POP4: variants seen among roughly 807,000 people sequenced by gnomAD.
POP4 encodes the protein ribonuclease P protein subunit p29.
A neutral mutation model predicts 29.9 loss-of-function variants in POP4; 31 were observed. The observed-to-expected ratio is 1.04, with a 90% confidence interval of 0.78 to 1.40. The LOEUF (loss-of-function observed/expected upper bound fraction) is 1.40. Among genes scored for constraint, POP4 ranks in the 40% most tolerant of loss-of-function variants. POP4 has a pLI of 0.00. For synonymous variants in POP4, 110 were observed against 108.2 expected (o/e 1.02, Z -0.10); for missense variants, 286 against 282.7 (o/e 1.01, Z -0.08).
intron 1 of POP4, 194 bp downstream of exon 1, chr19:29,606,519 A>G: frequency 3.6e-6 from 2 of 551,532 alleles, no homozygotes; most frequent in Non-Finnish European, 6.1e-6. Context: ...TGAGCTAGGG[A>G]GGGATGTCAG....
rs1420228067 is a variant in POP4 at position 29,614,157 on chromosome 19, G to A, written c.526+185G>A. Reference sequence around the variant, plus strand: ...TGCACCCGTGGCTCCCCCAAGAGGTGTGTGTCAGTGCAGCCTGCAACCCCG... The same window carrying A: ...TGCACCCGTGGCTCCCCCAAGAGGTATGTGTCAGTGCAGCCTGCAACCCCG... On this transcript the variant is annotated intron_variant, in intron 6 of 6. Coordinates refer to ENST00000585603, the MANE Select transcript of POP4 (RefSeq NM_006627.3). Among the ~76,000 whole-genome samples the A allele has an allele frequency of 2.6e-5, 4 of 152,248 alleles. No individual in the cohort carries two copies. The East Asian group carries it at 5.8e-4, about 22-fold the overall frequency.
chr19:29,608,363 T>G (rs1455038264), intron 1 of POP4, among the ~76,000 whole-genome samples: 1 of 146,672 alleles, frequency 6.8e-6, no homozygotes, highest in East Asian at 2.1e-4. Context: ...GCCTCCCAGG[T>G]TCCAGCGATT....
At chr19:29,612,647 T>G (rs1971084003) in intron 5 of POP4, among the ~76,000 whole-genome samples, 1 of 152,152 alleles carries the variant, frequency 6.6e-6, no homozygotes, top group Non-Finnish European at 1.5e-5. Context: ...CATCTCAGAC[T>G]TTACATAGCC....
chr19:29,610,899 G>T, intron 3 of POP4: 1 of 487,186 alleles, frequency 2.1e-6, no homozygotes, highest in Non-Finnish European at 3.7e-6. Flanking sequence ...CAGGCTGTTT[G>T]TCCTTCGGCT....
chr19:29,614,296 G>A (rs1024813350), intron 6 of POP4, among the ~76,000 whole-genome samples: 7 of 152,234 alleles, frequency 4.6e-5, no homozygotes, highest in African/African-American at 1.7e-4. Flanking sequence ...TGCTCCCAGA[G>A]GAATGTAGCC....
chr19:29,610,842 A>C (rs974026681), intron 3 of POP4: 5 of 579,336 alleles, frequency 8.6e-6, no homozygotes, highest in Non-Finnish European at 1.5e-5. Flanking sequence ...CTCTCTCCTC[A>C]CCTTCAGGAG....
At chr19:29,610,822 A>G in intron 3 of POP4, 190 bp downstream of exon 3, 1 of 608,234 alleles carries the variant, frequency 1.6e-6, no homozygotes, top group South Asian at 2.0e-5. Flanking sequence ...GACAGGACTC[A>G]TTGTCTGGCC....
At chr19:29,608,564 C>T (rs906999827) in intron 1 of POP4, 93 bp from the exon 2 acceptor site, 6 of 1,303,592 alleles carry the variant, frequency 4.6e-6, no homozygotes, top group Middle Eastern at 1.8e-4. Context: ...GCCACTGCGC[C>T]TAGTGGCGTA....
At chr19:29,612,282 T>C in intron 5 of POP4, 104 bp downstream of exon 5, 1 of 1,114,688 alleles carries the variant, frequency 9.0e-7, no homozygotes. Flanking sequence ...CTTTACCGTG[T>C]GGATTCCCTG....
At chr19:29,606,437 C>A in intron 1 of POP4, 112 bp downstream of exon 1, 1 of 1,293,912 alleles carries the variant, frequency 7.7e-7, no homozygotes, top group Non-Finnish European at 1.0e-6. Flanking sequence ...CTAACAGAAC[C>A]GCTACAGGAA....
rs1243168719 is a variant in POP4 at position 29,612,103 on chromosome 19, T to C, written c.363-14T>C. The C allele has an allele frequency of 6.2e-7, 1 of 1,602,912 alleles. No homozygotes were observed. The highest frequency in any genetic ancestry group is 2.2e-5 in the East Asian group (1 of 44,844). On this transcript the variant is annotated splice_polypyrimidine_tract_variant and intron_variant, in intron 4 of 6. Transcript: ENST00000585603. ...TATCATGATGTAAACCAAGGGCTTC[T>C]GTTTACCCTGCAGGCAGCCACAGAT...
chr19:29,606,339 C>T lies in POP4; in HGVS notation c.7+14C>T. On this transcript the variant is annotated intron_variant, in intron 1 of 6. Transcript: ENST00000585603. ...CGAGAATGAAGAGTAAGCGGGGCCG[C>T]GAAGTTGGAGAGGGTTGGGGACGTT... is the stretch of plus-strand genomic sequence containing the variant. 6.2e-7 allele frequency: 1 copy of T among 1,604,780 alleles called. No individual in the cohort carries two copies.
intron 2 of POP4, chr19:29,608,959 C>T (rs1410889671): frequency 1.1e-5 from 5 of 458,330 alleles, no homozygotes; most frequent in African/African-American, 4.0e-5. Flanking sequence ...TCATTTCCCA[C>T]TGTGTTGGGG....
At chr19:29,610,322 G>A in intron 2 of POP4, 87 bp from the exon 3 acceptor site, 1 of 1,280,556 alleles carries the variant, frequency 7.8e-7, no homozygotes, top group African/African-American at 1.5e-5. Context: ...TCTTGCAGTA[G>A]CTGCCGGGAA....
At position 29,613,886 on chromosome 19, in the gene POP4, G is replaced by A. The variant is rs1378551030; in HGVS notation, c.440G>A (p.Cys147Tyr). The A allele has an allele frequency of 1.2e-6, 2 of 1,612,836 alleles. No individual in the cohort carries two copies. Among genetic ancestry groups the A allele is most frequent in the Non-Finnish European group, 1.7e-6 (2 of 1,179,606 alleles). The change falls in exon 6 of 7, where the codon TGC becomes TAC. Residue 147 changes from cysteine to tyrosine, a missense_variant. Transcript: ENST00000585603. ...GAIISVTKSK[C>Y]PSYVGITGIL... ...TTCTTTGCAGTGACAAAATCCAAAT[G>A]CCCCTCTTATGTGGGTATTACAGGA...
chr19:29,614,418 C>G (rs1423049461), intron 6 of POP4, among the ~76,000 whole-genome samples: 1 of 152,114 alleles, frequency 6.6e-6, no homozygotes, highest in African/African-American at 2.4e-5. Flanking sequence ...CTAGCAGATA[C>G]TTTGGGTCAG....
chr19:29,615,481 T>A lies in POP4; in HGVS notation c.*101T>A. On this transcript the variant is annotated 3_prime_UTR_variant, in exon 7 of 7. Transcript: ENST00000585603. The stretch of plus-strand genomic sequence containing the variant: ...GAGATAGTTAAGCCAATTCCATTTA[T>A]AGACCACCTCCAGCCAGTGACGCTC... 1 of 1,332,330 alleles carries A rather than the reference T, an allele frequency of 7.5e-7. No individual in the cohort carries two copies. The highest frequency in any genetic ancestry group is 1.0e-6 in the Non-Finnish European group (1 of 967,204). The allele number at this position is 1,332,330 out of a possible 1,614,324, so 82.5% of individuals were successfully genotyped here. A position where few individuals can be genotyped will look rare whatever the true frequency, so the allele number is the denominator to read the frequency against.
intron 6 of POP4, among the ~76,000 whole-genome samples, chr19:29,614,845 C>T (rs184265001): frequency 6.6e-6 from 1 of 152,214 alleles, no homozygotes; most frequent in South Asian, 2.1e-4. Context: ...TTGTTGCTTC[C>T]CTTATTTTCC....
Position 29,615,476 on chromosome 19 carries a change from A to G in POP4, c.*96A>G. On this transcript the variant is annotated 3_prime_UTR_variant, in exon 7 of 7. Transcript: ENST00000585603. ...GTGAAGAGATAGTTAAGCCAATTCC[A>G]TTTATAGACCACCTCCAGCCAGTGA... 1 of 1,379,902 alleles carries G rather than the reference A, an allele frequency of 7.2e-7. No homozygotes were observed. The highest frequency in any genetic ancestry group is 9.9e-7 in the Non-Finnish European group (1 of 1,007,224). 85.5% of individuals were successfully genotyped at this position (1,379,902 alleles called of 1,614,324 possible). A position where few individuals can be genotyped will look rare whatever the true frequency, so the allele number is the denominator to read the frequency against.
Sources: gnomAD v4.1 joint callset for allele counts (sites outside exome capture counted in the v4.1 genomes callset) on GRCh38, gnomAD v4.1.1 for gene constraint, MANE v1.5 for transcripts, NCBI Gene and HGNC (gene_info 2026-07-23, HGNC 2026-07-21) for gene names.